Variants in ANK3 observed in about 807,000 individuals in gnomAD.
The protein encoded by ANK3 is ankyrin-3.
In ANK3, 57 loss-of-function variants were observed where a neutral mutation model predicts 370.9. The observed-to-expected ratio is 0.15, with a 90% confidence interval of 0.12 to 0.19. The LOEUF (loss-of-function observed/expected upper bound fraction) is 0.19. ANK3 is among the 10% of genes least tolerant of loss of function. ANK3 has a pLI of 1.00. For synonymous variants in ANK3, 1,929 were observed against 1,946.3 expected (o/e 0.99, Z 0.23); for missense variants, 4,439 against 5,302.1 (o/e 0.84, Z 5.06).
chr10:60,282,905 G>A (rs1296375457), intron 1 of ANK3, among the ~76,000 whole-genome samples: 1 of 152,020 alleles, frequency 6.6e-6, no homozygotes, highest in African/African-American at 2.4e-5. Context: ...TACATCTTAG[G>A]AAGAGACATT....
At chr10:60,169,631 G>A (rs1321530297) in intron 21 of ANK3, among the ~76,000 whole-genome samples, 4 of 151,974 alleles carry the variant, frequency 2.6e-5, no homozygotes, top group Non-Finnish European at 5.9e-5. Flanking sequence ...AAGCAGTGGG[G>A]AATTATGTTC....
At position 60,072,116 on chromosome 10, in the gene ANK3, T is replaced by A; in HGVS notation, c.8765A>T (p.Lys2922Ile). 6.2e-7 allele frequency: 1 copy of A among 1,613,918 alleles called. No homozygotes were observed. The highest frequency in any genetic ancestry group is 1.3e-5 in the African/African-American group (1 of 75,020). ...ATATAAGACTTTTTTGGAGGGAGAT[T>A]TTACAGTCATTTCTTTAATTTCTGA... ...SLSEIKEMTV[K>I]SPSKKVLYRE... is the part of the protein sequence containing the mutation. The change falls in exon 37 of 44, where the codon AAA becomes ATA. Residue 2922 changes from lysine (K) to isoleucine (I), a missense_variant. Lys to Ile is a moderately radical substitution (Grantham distance 102). Around this residue, in one of 13 missense-constraint regions of ANK3, gnomAD observed 1,601 missense variants for 1,731.7 expected, o/e 0.92. Transcript: ENST00000280772.
In ANK3 at chr10:60,171,966, G is replaced by A. The variant is rs144099179; in HGVS notation, c.2478+342C>T. Among the ~76,000 whole-genome samples the A allele has an allele frequency of 2.5e-4, 38 of 152,138 alleles. No homozygotes were observed. The East Asian group carries it at 5.0e-3, about 20-fold the overall frequency. On this transcript the variant is annotated intron_variant, in intron 21 of 43. Coordinates refer to ENST00000280772, the MANE Select transcript of ANK3 (RefSeq NM_020987.5). Reference sequence around the variant, plus strand: ...ACTTAGAGTTTTCAATTTTCTTTACGCTGCCAAGGAAGGATGTTAAAAAAT... The same window carrying A: ...ACTTAGAGTTTTCAATTTTCTTTACACTGCCAAGGAAGGATGTTAAAAAAT...
At chr10:60,077,720 T>C (rs2084156237) in intron 36 of ANK3, among the ~76,000 whole-genome samples, 1 of 152,222 alleles carries the variant, frequency 6.6e-6, no homozygotes, top group Non-Finnish European at 1.5e-5. Context: ...ACTACATTCA[T>C]ATTTTTAACA....
intron 33 of ANK3, 113 bp from the exon 34 acceptor site, chr10:60,082,850 T>C (rs934444767): frequency 4.7e-5 from 59 of 1,253,118 alleles, no homozygotes; most frequent in Non-Finnish European, 6.5e-5. Context: ...GCAGGAAAGG[T>C]AAAGGGAAAA....
chr10:60,080,235 ATT>A (rs140732748), intron 36 of ANK3, among the ~76,000 whole-genome samples: 2,091 of 152,292 alleles, frequency 0.014, 47 homozygotes, highest in African/African-American at 0.047. Context: ...CAACATTCAT[ATT>A]TATCTCCTAG....
intron 43 of ANK3, among the ~76,000 whole-genome samples, chr10:60,036,422 A>ATTGTTTTTTT (rs2074982475): frequency 1.4e-5 from 1 of 72,310 alleles, no homozygotes; most frequent in Non-Finnish European, 2.3e-5. Flanking sequence ...GTCAGAGGCA[A>ATTGTTTTTTT]TTTTTTTTTT....
At chr10:60,168,720 G>T (rs1405080456) in intron 21 of ANK3, among the ~76,000 whole-genome samples, 2 of 151,932 alleles carry the variant, frequency 1.3e-5, no homozygotes, top group Admixed American at 6.6e-5. Flanking sequence ...CCAGGCCCCA[G>T]TGTGTGTCCT....
At chr10:60,628,971 G>T (rs2078446583) in intron 1 of ANK3, among the ~76,000 whole-genome samples, 1 of 152,026 alleles carries the variant, frequency 6.6e-6, no homozygotes, top group Non-Finnish European at 1.5e-5. Context: ...TTCAACTTAG[G>T]TATTTGCCAT....
chr10:60,122,176 A>G (rs1565152355), intron 25 of ANK3, among the ~76,000 whole-genome samples: 1 of 152,216 alleles, frequency 6.6e-6, no homozygotes, highest in African/African-American at 2.4e-5. Flanking sequence ...TTGTGTAACT[A>G]TGGGCCTCTC....
At chr10:60,306,564 C>T (rs1412864307) in intron 1 of ANK3, among the ~76,000 whole-genome samples, 1 of 151,700 alleles carries the variant, frequency 6.6e-6, no homozygotes, top group African/African-American at 2.4e-5. Flanking sequence ...TCATATAATG[C>T]CTTCTTTTCC....
chr10:60,660,612 G>T (rs1482383794), intron 1 of ANK3, among the ~76,000 whole-genome samples: 1 of 152,040 alleles, frequency 6.6e-6, no homozygotes, highest in African/African-American at 2.4e-5. Flanking sequence ...ACTCTGGGTT[G>T]TGCTGGGTTC....
chr10:60,722,572 T>A (rs1246565443), intron 1 of ANK3, among the ~76,000 whole-genome samples: 2 of 152,240 alleles, frequency 1.3e-5, no homozygotes, highest in Non-Finnish European at 2.9e-5. Flanking sequence ...TATTTGCTAT[T>A]ATTTATCATG....
At chr10:60,163,116 C>T (rs1012680582) in intron 23 of ANK3, among the ~76,000 whole-genome samples, 3 of 151,914 alleles carry the variant, frequency 2.0e-5, no homozygotes, top group African/African-American at 7.3e-5. Context: ...TTCTTCCTTC[C>T]TTCCTTCCTT....
At chr10:60,206,575 A>T (rs1167168157) in intron 10 of ANK3, among the ~76,000 whole-genome samples, 1 of 152,078 alleles carries the variant, frequency 6.6e-6, no homozygotes, top group East Asian at 1.9e-4. Context: ...CACTTCACCA[A>T]GGTTTATTCT....
intron 16 of ANK3, among the ~76,000 whole-genome samples, chr10:60,195,237 G>A (rs1451878191): frequency 1.3e-5 from 2 of 151,922 alleles, no homozygotes; most frequent in Non-Finnish European, 2.9e-5. Flanking sequence ...ACAAAAAATT[G>A]GCCAGGTGTG....
rs566541254 is a variant in ANK3, at chr10:60,535,938, A to T, written c.96+79248T>A. Among the ~76,000 whole-genome samples the T allele has an allele frequency of 5.3e-5, 8 of 152,042 alleles. No homozygotes were observed. In the East Asian group the frequency reaches 1.5e-3, roughly 29 times the overall value. ...TGTTTGAAACCTCCAGCTAAAAAAA[A>T]AAATCACAAATAGTATTTTGGAAAC... On this transcript the variant is annotated intron_variant, in intron 2 of 43. Transcript: ENST00000373827.
At position 60,369,688 on chromosome 10, in the gene ANK3, T is replaced by C. The variant is rs536712172; in HGVS notation, c.114+19737A>G. Among the ~76,000 whole-genome samples, 402 of 152,332 alleles carry C rather than the reference T, an allele frequency of 2.6e-3. 3 individuals carry two copies. Among genetic ancestry groups the C allele is most frequent in the Non-Finnish European group, 4.8e-3 (324 of 68,012 alleles). ...GAACTTCCTGTTTAACATAACTATT[T>C]GAGCAGTAGATACCTGTTTCATCTT... On this transcript the variant is annotated intron_variant, in intron 1 of 43. Coordinates refer to ENST00000280772, the MANE Select transcript of ANK3 (RefSeq NM_020987.5).
chr10:60,618,910 G>T (rs1417738007), intron 1 of ANK3, among the ~76,000 whole-genome samples: 1 of 151,958 alleles, frequency 6.6e-6, no homozygotes, highest in African/African-American at 2.4e-5. Context: ...TTTAACTTTA[G>T]CAACTGTTGA....
Sources: gnomAD v4.1 joint callset for allele counts (sites outside exome capture counted in the v4.1 genomes callset) on GRCh38, gnomAD v4.1.1 for gene constraint, gnomAD v4.1.1 regional missense constraint, MANE v1.5 for transcripts, NCBI Gene and HGNC (gene_info 2026-07-23, HGNC 2026-07-21) for gene names.